Variants in GSE1 observed in about 807,000 individuals in gnomAD.
GSE1 encodes the protein Gse1 coiled-coil protein, also known as genetic suppressor element 1.
Under a neutral mutation model 112.6 loss-of-function variants are expected in GSE1, and 32 were observed. The observed-to-expected ratio is 0.28, with a 90% CI of 0.21 to 0.38. The LOEUF is 0.38. Among genes scored for constraint, GSE1 ranks in the 10% least tolerant of loss-of-function variants. The probability of loss-of-function intolerance (pLI) is 1.00; values close to 1 mark genes in which losing one functional copy is unlikely to be tolerated. For synonymous variants in GSE1, 1,115 were observed against 735.6 expected, an observed-to-expected ratio of 1.52 and a Z score of -8.35; for missense variants, 2,348 against 1,699.2, an observed-to-expected ratio of 1.38 and a Z score of -6.71.
chr16:85,190,724 C>G (rs1304598245), intron 1 of GSE1, among the ~76,000 whole-genome samples: 1 of 152,266 alleles, frequency 6.6e-6, no homozygotes, highest in Non-Finnish European at 1.5e-5. Flanking sequence ...GACTGTCCCT[C>G]TGGCAATAGA....
At chr16:85,304,990 C>T (rs1455108223) in intron 1 of GSE1, among the ~76,000 whole-genome samples, 1 of 152,230 alleles carries the variant, frequency 6.6e-6, no homozygotes, top group African/African-American at 2.4e-5. Context: ...TTCTCAGGCC[C>T]GCCCAACACA....
At chr16:85,535,291 C>T (rs937938238) in intron 2 of GSE1, among the ~76,000 whole-genome samples, 7 of 152,242 alleles carry the variant, frequency 4.6e-5, no homozygotes, top group East Asian at 1.9e-4. Context: ...GGCATCCTTA[C>T]GGAGCCCTCG....
At chr16:85,277,950 G>A (rs1233889595) in intron 1 of GSE1, among the ~76,000 whole-genome samples, 1 of 152,232 alleles carries the variant, frequency 6.6e-6, no homozygotes, top group Non-Finnish European at 1.5e-5. Flanking sequence ...GGTCCCTAGA[G>A]CCCATGGGTG....
intron 2 of GSE1, among the ~76,000 whole-genome samples, chr16:85,428,783 G>A: frequency 6.6e-6 from 1 of 152,314 alleles, no homozygotes; most frequent in South Asian, 2.1e-4. Flanking sequence ...GGTCCAGTGG[G>A]TGGGAGCGGG....
intron 2 of GSE1, among the ~76,000 whole-genome samples, chr16:85,370,619 CCCTCCCTCCTTCTCT>C (rs2047276409): frequency 6.6e-6 from 1 of 150,560 alleles, no homozygotes; most frequent in African/African-American, 2.4e-5. Context: ...CTCCTTCTCT[CCCTCCCTCCTTCTCT>C]CCCTCCCTCC....
chr16:85,277,296 T>C (rs974216670), intron 1 of GSE1, among the ~76,000 whole-genome samples: 2 of 151,820 alleles, frequency 1.3e-5, no homozygotes, highest in African/African-American at 4.8e-5. Context: ...GGCTGGGTCA[T>C]TTTTTTTGCA....
intron 2 of GSE1, among the ~76,000 whole-genome samples, chr16:85,369,988 G>C (rs1273959442): frequency 6.6e-6 from 1 of 152,150 alleles, no homozygotes; most frequent in Non-Finnish European, 1.5e-5. Context: ...GCTGATGACG[G>C]AGCCCCCTTG....
intron 2 of GSE1, among the ~76,000 whole-genome samples, chr16:85,538,863 A>G (rs1360585639): frequency 2.6e-5 from 4 of 151,758 alleles, no homozygotes; most frequent in Admixed American, 1.3e-4. Context: ...GCTCCTCCCC[A>G]TCTCCCACCA....
intron 1 of GSE1, chr16:85,171,880 G>C (rs935555775): frequency 2.4e-6 from 2 of 844,554 alleles, no homozygotes; most frequent in Non-Finnish European, 2.9e-6. Context: ...GATGTTTTCT[G>C]TTCCTCAGAA....
intron 1 of GSE1, among the ~76,000 whole-genome samples, chr16:85,218,297 T>C (rs1025671393): frequency 2.8e-4 from 43 of 152,162 alleles, no homozygotes; most frequent in Admixed American, 8.5e-4. Context: ...GCACCAGGTT[T>C]GAGCCCCAAG....
chr16:85,420,118 G>A (rs974714578), intron 2 of GSE1, among the ~76,000 whole-genome samples: 3 of 151,966 alleles, frequency 2.0e-5, no homozygotes, highest in South Asian at 4.2e-4. Flanking sequence ...GACGGGTGGT[G>A]GCTCATGCCT....
chr16:85,549,648 C>G (rs1177732054), intron 2 of GSE1, among the ~76,000 whole-genome samples: 1 of 152,232 alleles, frequency 6.6e-6, no homozygotes, highest in Non-Finnish European at 1.5e-5. Context: ...CCTGGATATG[C>G]AGAAGTCACC....
chr16:85,334,932 T>C (rs1252073856), intron 1 of GSE1, among the ~76,000 whole-genome samples: 1 of 152,174 alleles, frequency 6.6e-6, no homozygotes, highest in Non-Finnish European at 1.5e-5. Flanking sequence ...GGAGACTTTA[T>C]CTGCACAGCA....
chr16:85,350,092 C>T (rs564030298), intron 1 of GSE1, among the ~76,000 whole-genome samples: 1 of 152,246 alleles, frequency 6.6e-6, no homozygotes, highest in African/African-American at 2.4e-5. Flanking sequence ...GGTGGGGTTG[C>T]TGGGATGATT....
At chr16:85,250,448 G>A (rs1906345583) in intron 1 of GSE1, among the ~76,000 whole-genome samples, 1 of 152,112 alleles carries the variant, frequency 6.6e-6, no homozygotes, top group Non-Finnish European at 1.5e-5. Context: ...AGCCCAGCTG[G>A]GGGCGGAGGC....
At chr16:85,669,926 G>C (rs1431300923) in intron 14 of GSE1, among the ~76,000 whole-genome samples, 1 of 152,204 alleles carries the variant, frequency 6.6e-6, no homozygotes, top group Non-Finnish European at 1.5e-5. Flanking sequence ...TCTTCTCTCA[G>C]CTACCGCTCA....
intron 2 of GSE1, among the ~76,000 whole-genome samples, chr16:85,403,616 C>T (rs943250518): frequency 4.6e-5 from 7 of 151,978 alleles, no homozygotes; most frequent in Admixed American, 1.3e-4. Context: ...ATAGTGAAAC[C>T]CTGTCTCTAC....
chr16:85,459,235 C>T (rs1054547032), intron 2 of GSE1, among the ~76,000 whole-genome samples: 2 of 152,246 alleles, frequency 1.3e-5, no homozygotes, highest in Admixed American at 1.3e-4. Flanking sequence ...CAGGCACCCT[C>T]TGTGTCTCCA....
chr16:85,421,382 G>C (rs778589213), intron 2 of GSE1, among the ~76,000 whole-genome samples: 1 of 152,094 alleles, frequency 6.6e-6, no homozygotes. Context: ...CTCAGCACCG[G>C]GAGATGCACC....
Sources: allele counts gnomAD v4.1 joint callset (sites outside exome capture counted in the v4.1 genomes callset), GRCh38; gene constraint gnomAD v4.1.1; transcripts MANE v1.5; gene names NCBI Gene and HGNC (gene_info 2026-07-23, HGNC 2026-07-21).